The following SLC9A1 variants were observed in gnomAD, a reference collection of about 807,000 sequenced individuals.
SLC9A1 encodes sodium/hydrogen exchanger 1.
In SLC9A1, 22 loss-of-function variants were observed where a neutral mutation model predicts 67.9. That is an observed-to-expected ratio of 0.32 (90% confidence interval 0.23 to 0.46). The LOEUF (loss-of-function observed/expected upper bound fraction) is 0.46. Among genes scored for constraint, SLC9A1 ranks in the 20% least tolerant of loss-of-function variants. The pLI is 1.00. For missense variants in SLC9A1, 686 were observed against 1,094.8 expected (o/e 0.63, Z 5.27); for synonymous variants, 421 against 471.8 (o/e 0.89, Z 1.40).
At chr1:27,136,788 A>C (rs1222274036) in intron 1 of SLC9A1, among the ~76,000 whole-genome samples, 1 of 152,214 alleles carries the variant, frequency 6.6e-6, no homozygotes, top group African/African-American at 2.4e-5. Context: ...GGAGGCGGAA[A>C]ATTCCCAGAG....
chr1:27,130,351 C>T (rs138384465), intron 1 of SLC9A1, among the ~76,000 whole-genome samples: 2,186 of 152,318 alleles, frequency 0.014, 16 homozygotes, highest in Non-Finnish European at 0.023. Context: ...ATCCGCCTGC[C>T]TCGGCCTCCC....
In SLC9A1 at chr1:27,114,808, G is replaced by C. The variant is rs1377154211; in HGVS notation, c.353-522C>G. On this transcript the variant is annotated intron_variant, in intron 1 of 11. Transcript: ENST00000263980. This position sits in a 1 kb window ranked among gnomAD's most constrained non-coding sequence, Gnocchi z 5.4. ...CAGAAGGCAGACAACCAGCTGGTGG[G>C]GAGTGGCATAGGAGACAGAAGAAAG... Among the ~76,000 whole-genome samples the C allele has an allele frequency of 6.6e-6, 1 of 152,116 alleles. No homozygotes were observed.
intron 1 of SLC9A1, among the ~76,000 whole-genome samples, chr1:27,123,825 TA>T (rs971557665): frequency 6.6e-6 from 1 of 151,004 alleles, no homozygotes; most frequent in African/African-American, 2.4e-5. Context: ...TATTGGGCTT[TA>T]AAAAAAAATT....
chr1:27,136,344 C>T (rs1250632262), intron 1 of SLC9A1, among the ~76,000 whole-genome samples: 1 of 152,164 alleles, frequency 6.6e-6, no homozygotes, highest in African/African-American at 2.4e-5. Flanking sequence ...GGGAGGATGC[C>T]CAGTGCACAC....
Position 27,101,615 on chromosome 1 carries a change from C to T in SLC9A1, c.2037+110G>A. The T allele has an allele frequency of 1.3e-6, 1 of 776,962 alleles. No individual in the cohort carries two copies. Among genetic ancestry groups the T allele is most frequent in the South Asian group, 1.6e-5 (1 of 62,152 alleles). 48.1% of individuals were successfully genotyped at this position (776,962 alleles called of 1,614,324 possible). A position where few individuals can be genotyped will look rare whatever the true frequency, so the allele number is the denominator to read the frequency against. ...TCCATGCCCTTACACTGCTAAAAGC[C>T]CCTCGAAAGCCAAACCCTGTTCCTA... On this transcript the variant is annotated intron_variant, in intron 10 of 11. Transcript: ENST00000263980. This position sits in a 1 kb window ranked among gnomAD's most constrained non-coding sequence, Gnocchi z 4.9.
At chr1:27,113,800 A>G (rs758446286) in intron 2 of SLC9A1, 26 bp downstream of exon 2, 2 of 1,574,458 alleles carry the variant, frequency 1.3e-6, no homozygotes, top group Middle Eastern at 1.7e-4. Context: ...CCGTTTGGAC[A>G]TGGGCATGGC....
At chr1:27,134,813 T>C (rs2083408171) in intron 1 of SLC9A1, among the ~76,000 whole-genome samples, 1 of 152,214 alleles carries the variant, frequency 6.6e-6, no homozygotes, top group African/African-American at 2.4e-5. Context: ...CTCGGCTCAC[T>C]GCAACCTCTG....
In SLC9A1 at chr1:27,101,822, C is replaced by T. The variant is rs1471857518; in HGVS notation, c.1940G>A (p.Arg647Gln). 7 of 1,610,606 alleles carry T rather than the reference C, an allele frequency of 4.3e-6. No individual in the cohort carries two copies. The highest frequency in any genetic ancestry group is 1.1e-5 in the South Asian group (1 of 90,966). Reference protein sequence around the residue: ...NNLQKTRQRLRSYNRHTLVAD... With the variant: ...NNLQKTRQRLQSYNRHTLVAD... ...CACCAGCGTGTGTCTGTTGTAGGAC[C>T]GCAGCTGTGGGAGGGACAGCGTCAG... Residue 647 changes from arginine (R) to glutamine (Q), a missense_variant, in exon 10 of 12, where the codon CGG (arginine) becomes CAG (glutamine). Arg to Gln is a conservative substitution (Grantham distance 43). Coordinates refer to ENST00000263980, the MANE Select transcript of SLC9A1 (RefSeq NM_003047.5). This position sits in a 1 kb window ranked among gnomAD's most constrained non-coding sequence, Gnocchi z 4.9.
At position 27,106,104 on chromosome 1, in the gene SLC9A1, G is replaced by T. The variant is rs1261630765; in HGVS notation, c.1283-17C>A. ...CCAGCACCCCTGCAGGGGAAGGCAG[G>T]GGGTGATGAGGGTCAGGTCGGGCTG... On this transcript the variant is annotated splice_polypyrimidine_tract_variant and intron_variant, in intron 4 of 11. Coordinates refer to ENST00000263980, the MANE Select transcript of SLC9A1 (RefSeq NM_003047.5). This position sits in a 1 kb window ranked among gnomAD's most constrained non-coding sequence, Gnocchi z 4.3. The T allele has an allele frequency of 6.4e-7, 1 of 1,568,598 alleles. No individual in the cohort carries two copies. Among genetic ancestry groups the T allele is most frequent in the African/African-American group, 1.3e-5 (1 of 74,096 alleles).
chr1:27,113,284 C>T (rs183707661), intron 2 of SLC9A1, among the ~76,000 whole-genome samples: 1 of 152,210 alleles, frequency 6.6e-6, no homozygotes, highest in East Asian at 1.9e-4. Context: ...CATGGTCAAA[C>T]CCCATCTCCA....
rs1357462034 is a variant in SLC9A1 at position 27,101,377 on chromosome 1, G to T, written c.2038-102C>A. On this transcript the variant is annotated intron_variant, in intron 10 of 11. Coordinates refer to ENST00000263980, the MANE Select transcript of SLC9A1 (RefSeq NM_003047.5). The surrounding 1 kb of genome is among the most constrained non-coding windows in gnomAD (Gnocchi z 4.9). Reference sequence around the variant, plus strand: ...ACACCCCACCTTTCGTATATGCAGGGCGCTTGCTCCCCCTCCCTTGTGCCT... The same window carrying T: ...ACACCCCACCTTTCGTATATGCAGGTCGCTTGCTCCCCCTCCCTTGTGCCT... 46 of 888,360 alleles carry T rather than the reference G, an allele frequency of 5.2e-5. No homozygotes were observed. Among genetic ancestry groups the T allele is most frequent in the Non-Finnish European group, 7.5e-5 (42 of 557,580 alleles). The allele number at this position is 888,360 out of a possible 1,614,324, so 55.0% of individuals were successfully genotyped here.
chr1:27,125,584 A>G (rs998336996), intron 1 of SLC9A1, among the ~76,000 whole-genome samples: 3 of 147,118 alleles, frequency 2.0e-5, no homozygotes, highest in South Asian at 4.3e-4. Context: ...TTCCTACACC[A>G]GCCAAGAGTG....
At chr1:27,124,540 G>A (rs1390172047) in intron 1 of SLC9A1, among the ~76,000 whole-genome samples, 1 of 152,220 alleles carries the variant, frequency 6.6e-6, no homozygotes, top group Non-Finnish European at 1.5e-5. Flanking sequence ...TTGCCCTGCA[G>A]AAAGCAAGTC....
rs1396066134 is a variant in SLC9A1 at position 27,118,411 on chromosome 1, A to AG, written c.353-4126dup. Among the ~76,000 whole-genome samples the AG allele has an allele frequency of 1.3e-5, 2 of 152,190 alleles. No homozygotes were observed. Among genetic ancestry groups the AG allele is most frequent in the African/African-American group, 4.8e-5 (2 of 41,458 alleles). On this transcript the variant is annotated intron_variant, in intron 1 of 11. Coordinates refer to ENST00000263980, the MANE Select transcript of SLC9A1 (RefSeq NM_003047.5). The surrounding 1 kb of genome is among the most constrained non-coding windows in gnomAD (Gnocchi z 4.3). The stretch of plus-strand genomic sequence containing the variant: ...GGAGCAACGGCTCAGGGAAGTGGGA[A>AG]GCAGCCCCTGGACCTGCGCTGGCTT...
chr1:27,113,359 C>G (rs2083243672), intron 2 of SLC9A1, among the ~76,000 whole-genome samples: 1 of 152,108 alleles, frequency 6.6e-6, no homozygotes, highest in Admixed American at 6.5e-5. Context: ...ACTCGGAAGG[C>G]TGAGGCAGGA....
At chr1:27,144,345 C>G (rs939332140) in intron 1 of SLC9A1, among the ~76,000 whole-genome samples, 2 of 152,184 alleles carry the variant, frequency 1.3e-5, no homozygotes, top group African/African-American at 2.4e-5. Context: ...TGAGGGCAGA[C>G]CAAACAGATC....
chr1:27,153,932 GA>G, intron 1 of SLC9A1, 50 bp downstream of exon 1: 1 of 1,272,248 alleles, frequency 7.9e-7, no homozygotes, highest in South Asian at 1.4e-5. Flanking sequence ...GATGAGGCAA[GA>G]AGCTCACCAG....
At chr1:27,132,117 A>C (rs927371029) in intron 1 of SLC9A1, among the ~76,000 whole-genome samples, 3 of 151,858 alleles carry the variant, frequency 2.0e-5, no homozygotes, top group African/African-American at 7.3e-5. Context: ...ACTCAAGCCC[A>C]GAAACTGACT....
chr1:27,121,403 A>G (rs1344242246), intron 1 of SLC9A1, among the ~76,000 whole-genome samples: 1 of 152,210 alleles, frequency 6.6e-6, no homozygotes. Flanking sequence ...AGCTTTGCGT[A>G]AATCACTATA....
Sources: gnomAD v4.1 joint callset for allele counts (sites outside exome capture counted in the v4.1 genomes callset) on GRCh38, gnomAD v4.1.1 for gene constraint, Gnocchi (gnomAD v3.1) non-coding constraint, MANE v1.5 for transcripts, NCBI Gene and HGNC (gene_info 2026-07-23, HGNC 2026-07-21) for gene names.